TRMT44: variants seen among roughly 807,000 people sequenced by gnomAD.
TRMT44 encodes the protein probable tRNA (uracil-O(2)-)-methyltransferase.
In TRMT44, 78 loss-of-function variants were observed where a neutral mutation model predicts 77.3. That is an observed-to-expected ratio of 1.01 (90% CI 0.84 to 1.22). TRMT44 has a LOEUF of 1.22. TRMT44 is among the 50% of genes most tolerant of loss of function. The probability of loss-of-function intolerance (pLI) is 0.00; values close to 1 mark genes in which losing one functional copy is unlikely to be tolerated. For synonymous variants in TRMT44, 391 were observed against 383.3 expected (o/e 1.02, Z -0.23); for missense variants, 1,090 against 964.4 (o/e 1.13, Z -1.73).
At chr4:8,481,872 G>T (rs1220642385) in intron 2 of TRMT44, among the ~76,000 whole-genome samples, 1 of 152,200 alleles carries the variant, frequency 6.6e-6, no homozygotes, top group African/African-American at 2.4e-5. Flanking sequence ...TGAAAGCCCT[G>T]TCTGAGGCTC....
At chr4:8,475,583 C>T (rs1727321333) in intron 10 of TRMT44, among the ~76,000 whole-genome samples, 189 bp from the exon 11 acceptor site, 1 of 152,232 alleles carries the variant, frequency 6.6e-6, no homozygotes, top group African/African-American at 2.4e-5. Context: ...CCTGAAGACA[C>T]ATCCCATACC....
rs1404098478 is a variant in TRMT44, at chr4:8,475,911, C to T, written c.2184C>T (p.Gly728=). 1.2e-6 allele frequency: 2 copies of T among 1,614,218 alleles called. No individual in the cohort carries two copies. The highest frequency in any genetic ancestry group is 1.7e-5 in the Admixed American group (1 of 60,032). ...LCWFFMHHPD[G]CALSTDCCPF... is the part of the protein sequence containing the mutation. ...GGTTCTTCATGCATCACCCTGATGG[C>T]TGCGCTCTGTCCACGGACTGCTGCC... The change falls in exon 11 of 11, where the codon GGC becomes GGT. Residue 728 remains glycine (G), a synonymous_variant. Coordinates refer to ENST00000389737, the MANE Select transcript of TRMT44 (RefSeq NM_152544.3).
rs976422784 is a variant in TRMT44 at position 8,444,673 on chromosome 4, C to A, written c.620-1803C>A. ...TTGGCCTCCCAAAGTGCCGGGGTTA[C>A]GGGCGTGAGCCACCTCTCCCGGCCA... On this transcript the variant is annotated intron_variant, in intron 1 of 10. Transcript: ENST00000389737. This position sits in a 1 kb window ranked among gnomAD's most constrained non-coding sequence, Gnocchi z 4.0. 6.6e-6 allele frequency among the ~76,000 whole-genome samples: 1 copy of A among 152,210 alleles called. No homozygotes were observed. Among genetic ancestry groups the A allele is most frequent in the Non-Finnish European group, 1.5e-5 (1 of 68,040 alleles).
chr4:8,445,841 A>ATT (rs200059420), intron 1 of TRMT44, among the ~76,000 whole-genome samples: 2 of 151,740 alleles, frequency 1.3e-5, no homozygotes, highest in African/African-American at 4.8e-5. Flanking sequence ...AGAGTTTGCA[A>ATT]TTTTTTTTTA....
rs546253078 is a variant in TRMT44 at position 8,491,755 on chromosome 4, C to T, written n.3892-1511C>T. Reference sequence around the variant, plus strand: ...CCCGGAACTCCAGCTGGCCCCCAAGCGCTGCACGCAGCCCCGGTTCCCGCT... The same window carrying T: ...CCCGGAACTCCAGCTGGCCCCCAAGTGCTGCACGCAGCCCCGGTTCCCGCT... On this transcript the variant is annotated intron_variant and non_coding_transcript_variant, in intron 2 of 2. Coordinates refer to the TRMT44 transcript ENST00000511366. 6.6e-4 allele frequency among the ~76,000 whole-genome samples: 100 copies of T among 152,356 alleles called. 1 individual carries two copies. The highest frequency in any genetic ancestry group is 9.7e-4 in the Non-Finnish European group (66 of 68,030).
rs1471334730 is a variant in TRMT44, at chr4:8,476,244, G to A, written c.*243G>A. On this transcript the variant is annotated 3_prime_UTR_variant, in exon 11 of 11. Coordinates refer to ENST00000389737, the MANE Select transcript of TRMT44 (RefSeq NM_152544.3). ...TCAGATGCAGCCGCTTGAAACGTGC[G>A]CAGCATCTTCATATCATAAAGATTG... 30 of 569,912 alleles carry A rather than the reference G, an allele frequency of 5.3e-5. No individual in the cohort carries two copies. Among genetic ancestry groups the A allele is most frequent in the South Asian group, 2.3e-4 (11 of 48,416 alleles). 35.3% of individuals were successfully genotyped at this position (569,912 alleles called of 1,614,324 possible). A position where few individuals can be genotyped will look rare whatever the true frequency, so the allele number is the denominator to read the frequency against.
chr4:8,480,686 G>T (rs1022407191), downstream of TRMT44, among the ~76,000 whole-genome samples: 17 of 152,184 alleles, frequency 1.1e-4, no homozygotes, highest in Non-Finnish European at 2.5e-4. Context: ...GACAGCCAGT[G>T]TAACAACTGT....
the TRMT44 span, among the ~76,000 whole-genome samples, chr4:8,503,641 G>A: frequency 1.3e-5 from 2 of 152,204 alleles, no homozygotes; most frequent in Non-Finnish European, 2.9e-5. Context: ...TTTCCACCCC[G>A]ATGCCCACAC....
chr4:8,484,480 A>G (rs1334753903), intron 2 of TRMT44, among the ~76,000 whole-genome samples: 1 of 152,234 alleles, frequency 6.6e-6, no homozygotes, highest in Non-Finnish European at 1.5e-5. Flanking sequence ...GTATTAGGGC[A>G]GCAGCAGCTG....
At chr4:8,504,122 C>T in the TRMT44 span, among the ~76,000 whole-genome samples, 9 of 150,024 alleles carry the variant, frequency 6.0e-5, no homozygotes, top group South Asian at 2.2e-4. The surrounding 1 kb of genome is among the most constrained non-coding windows in gnomAD (Gnocchi z 5.3). Context: ...GGTCTCAGGG[C>T]GGGGCAGGGG....
At chr4:8,464,510 G>A (rs922938134) in intron 7 of TRMT44, among the ~76,000 whole-genome samples, 14 of 152,200 alleles carry the variant, frequency 9.2e-5, no homozygotes, top group East Asian at 3.9e-4. Flanking sequence ...GCCTCCGCAC[G>A]GGGAGCTGTG....
At chr4:8,474,400 A>C (rs1727225829) in intron 10 of TRMT44, among the ~76,000 whole-genome samples, 1 of 152,012 alleles carries the variant, frequency 6.6e-6, no homozygotes. Context: ...CAATGTTGGG[A>C]GGCGAGACAG....
At chr4:8,479,577 T>G (rs1379994114), downstream of TRMT44, 1 of 152,072 alleles carries the variant, frequency 6.6e-6, no homozygotes, top group Non-Finnish European at 1.5e-5. Flanking sequence ...AGTGAAAATA[T>G]GATGTAAAAG....
At chr4:8,494,339 A>C (rs952472672), downstream of TRMT44, among the ~76,000 whole-genome samples, 1 of 152,196 alleles carries the variant, frequency 6.6e-6, no homozygotes, top group East Asian at 1.9e-4. Flanking sequence ...GCTGATATTC[A>C]CAGGTACAGG....
chr4:8,450,975 A>C (rs2109102736), intron 3 of TRMT44, among the ~76,000 whole-genome samples: 1 of 150,310 alleles, frequency 6.7e-6, no homozygotes, highest in South Asian at 2.1e-4. Context: ...TTGTAGAGAC[A>C]AAGTTTTGCC....
intron 10 of TRMT44, among the ~76,000 whole-genome samples, chr4:8,474,941 C>T (rs1727277832): frequency 2.0e-5 from 3 of 152,198 alleles, no homozygotes; most frequent in South Asian, 4.1e-4. Context: ...ACTCTGATGT[C>T]CCTCCAGCTC....
At chr4:8,508,576 T>C in the TRMT44 span, among the ~76,000 whole-genome samples, 1 of 152,250 alleles carries the variant, frequency 6.6e-6, no homozygotes, top group Non-Finnish European at 1.5e-5. Context: ...TGGGACTGGA[T>C]GGAAGGGACC....
chr4:8,465,674 G>A (rs569077476), intron 8 of TRMT44, 113 bp downstream of exon 8: 19 of 940,416 alleles, frequency 2.0e-5, no homozygotes, highest in African/African-American at 1.3e-4. Flanking sequence ...GTTCTAGAAC[G>A]TGCCGGTGCT....
chr4:8,485,881 G>A (rs908132694), intron 2 of TRMT44, among the ~76,000 whole-genome samples: 9 of 152,250 alleles, frequency 5.9e-5, no homozygotes, highest in Admixed American at 1.3e-4. Flanking sequence ...ACAGTTATTG[G>A]GGCGAGGGAA....
Sources: gnomAD v4.1 joint callset for allele counts (sites outside exome capture counted in the v4.1 genomes callset) on GRCh38, gnomAD v4.1.1 for gene constraint, Gnocchi (gnomAD v3.1) non-coding constraint, MANE v1.5 for transcripts, NCBI Gene and HGNC (gene_info 2026-07-23, HGNC 2026-07-21) for gene names.